Variants in ZSWIM5 observed in about 807,000 individuals in gnomAD.
ZSWIM5 encodes zinc finger SWIM-type containing 5, also known as zinc finger SWIM domain-containing protein 5.
In ZSWIM5, 55 loss-of-function variants were observed where a neutral mutation model predicts 119.6. That is an observed-to-expected ratio of 0.46 (90% CI 0.37 to 0.58). The LOEUF (loss-of-function observed/expected upper bound fraction) is 0.58, where lower values mean the gene tolerates loss of function less well. ZSWIM5 is among the 20% of genes least tolerant of loss of function. The pLI is 0.00. For synonymous variants in ZSWIM5, 537 were observed against 606.9 expected (o/e 0.88, Z 1.69); for missense variants, 1,193 against 1,512.8 (o/e 0.79, Z 3.51).
intron 5 of ZSWIM5, among the ~76,000 whole-genome samples, chr1:45,044,822 A>AATATATATATAAATAT (rs1553189126): frequency 0.038 from 52 of 1,364 alleles, 5 homozygotes; most frequent in African/African-American, 0.076. Flanking sequence ...TATATATATA[A>AATATATATATAAATAT]ATATATATAT....
At chr1:45,101,028 G>C (rs1393046058) in intron 1 of ZSWIM5, among the ~76,000 whole-genome samples, 5 of 152,230 alleles carry the variant, frequency 3.3e-5, no homozygotes, top group African/African-American at 9.6e-5. Context: ...GGCAACAAAA[G>C]CCAAAATTGA....
chr1:45,118,015 G>C (rs1257229412), intron 1 of ZSWIM5, among the ~76,000 whole-genome samples: 1 of 151,944 alleles, frequency 6.6e-6, no homozygotes, highest in Non-Finnish European at 1.5e-5. Flanking sequence ...CTTGCAGAGA[G>C]GCAGAGCTTG....
intron 1 of ZSWIM5, among the ~76,000 whole-genome samples, chr1:45,139,124 C>T (rs555557626): frequency 1.3e-5 from 2 of 151,828 alleles, no homozygotes; most frequent in African/African-American, 2.4e-5. Flanking sequence ...TCAAATGGTC[C>T]GCCTGCCTCG....
chr1:45,035,945 T>A (rs1490209718), intron 9 of ZSWIM5, 94 bp downstream of exon 9: 1 of 1,563,530 alleles, frequency 6.4e-7, no homozygotes, highest in Non-Finnish European at 8.7e-7. Flanking sequence ...TACATTTTAA[T>A]GTCATAAATG....
chr1:45,073,344 T>C (rs1231111964), intron 2 of ZSWIM5, among the ~76,000 whole-genome samples: 1 of 140,822 alleles, frequency 7.1e-6, no homozygotes, highest in Non-Finnish European at 1.5e-5. Flanking sequence ...CTGCAACCTC[T>C]GCCTCCTGGG....
At position 45,043,398 on chromosome 1, in the gene ZSWIM5, G is replaced by A. The variant is rs1200201809; in HGVS notation, c.1433-3C>T. On this transcript the variant is annotated splice_polypyrimidine_tract_variant and splice_region_variant and intron_variant, in intron 5 of 13. Coordinates refer to ENST00000359600, the MANE Select transcript of ZSWIM5 (RefSeq NM_020883.2). ...TCGTCTTGGTCTGGATAAGGAGTCTGGAGAAAGAAGAACATGCAGCAGTAC... is the reference window on the plus strand; with the variant it reads ...TCGTCTTGGTCTGGATAAGGAGTCTAGAGAAAGAAGAACATGCAGCAGTAC... 1 of 1,613,874 alleles carries A rather than the reference G, an allele frequency of 6.2e-7. No homozygotes were observed. Among genetic ancestry groups the A allele is most frequent in the East Asian group, 2.2e-5 (1 of 44,878 alleles).
At chr1:45,161,963 C>G (rs183577430) in intron 1 of ZSWIM5, among the ~76,000 whole-genome samples, 43 of 152,314 alleles carry the variant, frequency 2.8e-4, no homozygotes, top group Non-Finnish European at 2.8e-4. Context: ...ACTTCCAGCT[C>G]TAATGCCACT....
rs1230136468 is a variant in ZSWIM5 at position 45,189,903 on chromosome 1, G to T, written c.595+15853C>A. ...AACATCAGGGAGTAGAGGACATTTA[G>T]CATCTAATTTACCACTGGGGCATCT... On this transcript the variant is annotated intron_variant, in intron 1 of 13. Transcript: ENST00000359600. Among the ~76,000 whole-genome samples the T allele has an allele frequency of 2.6e-5, 4 of 152,214 alleles. No individual in the cohort carries two copies. In the East Asian group the frequency reaches 7.7e-4, roughly 29 times the overall value.
At chr1:45,032,349 C>G (rs1644957747) in intron 11 of ZSWIM5, among the ~76,000 whole-genome samples, 1 of 152,072 alleles carries the variant, frequency 6.6e-6, no homozygotes, top group African/African-American at 2.4e-5. Flanking sequence ...AGGTTAGTCT[C>G]AAACTCCTGG....
intron 1 of ZSWIM5, among the ~76,000 whole-genome samples, chr1:45,122,590 T>A (rs957765101): frequency 2.6e-5 from 4 of 152,152 alleles, no homozygotes; most frequent in African/African-American, 9.7e-5. Context: ...AATGACACAG[T>A]GAGGATTTCC....
chr1:45,073,839 TC>T (rs1439989467), intron 2 of ZSWIM5, among the ~76,000 whole-genome samples: 6 of 151,936 alleles, frequency 3.9e-5, no homozygotes, highest in African/African-American at 1.5e-4. Flanking sequence ...TTTCAGTTTT[TC>T]CCCATTCAAT....
intron 1 of ZSWIM5, among the ~76,000 whole-genome samples, chr1:45,158,543 T>G (rs1645844942): frequency 6.6e-6 from 1 of 152,242 alleles, no homozygotes; most frequent in Non-Finnish European, 1.5e-5. Flanking sequence ...ATTTAAAACC[T>G]GGCTCTGCAT....
chr1:45,020,830 T>C (rs758232095), intron 11 of ZSWIM5, 42 bp from the exon 12 acceptor site: 21 of 1,595,720 alleles, frequency 1.3e-5, no homozygotes, highest in Non-Finnish European at 1.7e-5. Flanking sequence ...TTTTAAAGTT[T>C]TACTAAACAG....
chr1:45,130,249 C>A (rs1006296666), intron 1 of ZSWIM5, among the ~76,000 whole-genome samples: 3 of 152,292 alleles, frequency 2.0e-5, no homozygotes, highest in Admixed American at 2.0e-4. Context: ...CAAACTCTTG[C>A]TCTATTAAAG....
chr1:45,026,939 G>T (rs898209252), intron 11 of ZSWIM5, among the ~76,000 whole-genome samples: 1 of 151,902 alleles, frequency 6.6e-6, no homozygotes, highest in African/African-American at 2.4e-5. Flanking sequence ...GTGAGTTTTG[G>T]TAGATTGTTT....
chr1:45,178,918 T>A (rs1351521687), intron 1 of ZSWIM5, among the ~76,000 whole-genome samples: 1 of 151,988 alleles, frequency 6.6e-6, no homozygotes, highest in Non-Finnish European at 1.5e-5. Flanking sequence ...AAGATACTAT[T>A]TAAAATTAAA....
chr1:45,165,781 C>A (rs12750360), intron 1 of ZSWIM5, among the ~76,000 whole-genome samples: 1 of 151,336 alleles, frequency 6.6e-6, no homozygotes. Context: ...AAGTTGAATC[C>A]CTGAATAGAC....
At chr1:45,166,570 C>T (rs1002368633) in intron 1 of ZSWIM5, among the ~76,000 whole-genome samples, 4 of 152,064 alleles carry the variant, frequency 2.6e-5, no homozygotes, top group African/African-American at 9.7e-5. Flanking sequence ...ATTTAGAACA[C>T]CCCATCATCT....
chr1:45,200,955 G>A (rs1019171376), intron 1 of ZSWIM5, among the ~76,000 whole-genome samples: 2 of 152,148 alleles, frequency 1.3e-5, no homozygotes, highest in Non-Finnish European at 2.9e-5. Flanking sequence ...AGTCCCTCAT[G>A]ATGTGACTTT....
Sources: allele counts gnomAD v4.1 joint callset (sites outside exome capture counted in the v4.1 genomes callset), GRCh38; gene constraint gnomAD v4.1.1; transcripts MANE v1.5; gene names NCBI Gene and HGNC (gene_info 2026-07-23, HGNC 2026-07-21).